SPAG16: variants seen among roughly 807,000 people sequenced by gnomAD.
SPAG16 encodes the protein sperm associated antigen 16, also known as sperm-associated antigen 16 protein.
In SPAG16, 86 loss-of-function variants were observed where a neutral mutation model predicts 80.4. The observed-to-expected ratio is 1.07, with a 90% CI of 0.90 to 1.28. The LOEUF (loss-of-function observed/expected upper bound fraction) is 1.28, where lower values mean the gene tolerates loss of function less well. Ranked by LOEUF, SPAG16 falls within the 50% of genes most tolerant of loss-of-function variation. The probability of loss-of-function intolerance (pLI) is 0.00; values close to 1 mark genes in which losing one functional copy is unlikely to be tolerated. For synonymous variants in SPAG16, 294 were observed against 265.9 expected (o/e 1.11, Z -1.03); for missense variants, 870 against 765.3 (o/e 1.14, Z -1.61).
chr2:213,605,055 T>C (rs561322238), intron 10 of SPAG16, among the ~76,000 whole-genome samples: 1 of 151,766 alleles, frequency 6.6e-6, no homozygotes, highest in South Asian at 2.1e-4. Context: ...CATATATGTG[T>C]ATATATAGTT....
At chr2:214,340,780 C>A (rs1262583250) in intron 15 of SPAG16, among the ~76,000 whole-genome samples, 1 of 152,140 alleles carries the variant, frequency 6.6e-6, no homozygotes, top group Admixed American at 6.6e-5. Context: ...TTAGGTCAGG[C>A]CCACCTGGAT....
rs372287634 is a variant in SPAG16, at chr2:214,196,035, TACCAGA to T, written c.1720+46777_1720+46782del. Among the ~76,000 whole-genome samples, 225 of 152,058 alleles carry T rather than the reference TACCAGA, an allele frequency of 1.5e-3. 2 individuals are homozygous for T. The highest frequency in any genetic ancestry group is 4.2e-3 in the African/African-American group (176 of 41,508). On this transcript the variant is annotated intron_variant, in intron 15 of 15. Transcript: ENST00000331683. ...AATGTTCAAAATAAGTGTAAAAAGTTACCAGAACCAGAATCGCCCATATTTAATAAT... is the reference window on the plus strand; with the variant it reads ...AATGTTCAAAATAAGTGTAAAAAGTTACCAGAATCGCCCATATTTAATAAT...
intron 1 of SPAG16, among the ~76,000 whole-genome samples, chr2:213,294,825 G>T (rs1448704208): frequency 6.6e-6 from 1 of 152,144 alleles, no homozygotes; most frequent in Non-Finnish European, 1.5e-5. Context: ...ACAGAACATG[G>T]AGAGGCAATA....
chr2:214,091,832 A>G (rs922052757), intron 13 of SPAG16, among the ~76,000 whole-genome samples: 32 of 152,090 alleles, frequency 2.1e-4, no homozygotes, highest in African/African-American at 7.2e-4. Context: ...TCTAATGAAC[A>G]TATTAACAAC....
At chr2:213,824,652 A>G (rs1220460515) in intron 10 of SPAG16, among the ~76,000 whole-genome samples, 1 of 152,142 alleles carries the variant, frequency 6.6e-6, no homozygotes, top group African/African-American at 2.4e-5. Context: ...GGTCTGTAGT[A>G]TAGTTTGAAG....
chr2:214,098,091 A>G (rs921214271), intron 13 of SPAG16, among the ~76,000 whole-genome samples: 5 of 152,106 alleles, frequency 3.3e-5, no homozygotes, highest in Non-Finnish European at 7.4e-5. Flanking sequence ...CTGTTTAGAT[A>G]TGTATTCAAA....
chr2:213,936,642 G>A (rs1331923898), intron 12 of SPAG16, among the ~76,000 whole-genome samples: 2 of 152,108 alleles, frequency 1.3e-5, no homozygotes, highest in Admixed American at 1.3e-4. Context: ...AGAGAAAGAG[G>A]AAACAAATGA....
At chr2:214,248,170 CAT>C (rs1689984860) in intron 15 of SPAG16, among the ~76,000 whole-genome samples, 2 of 151,540 alleles carry the variant, frequency 1.3e-5, no homozygotes, top group Admixed American at 6.6e-5. Flanking sequence ...CATAAAGAAA[CAT>C]AAAAATATTG....
chr2:213,602,466 T>C (rs1452679733), intron 10 of SPAG16, among the ~76,000 whole-genome samples: 1 of 152,058 alleles, frequency 6.6e-6, no homozygotes, highest in Non-Finnish European at 1.5e-5. Context: ...ACCCCGTCTC[T>C]ACAAAAACTA....
chr2:213,793,189 A>G (rs2070813377), intron 10 of SPAG16, among the ~76,000 whole-genome samples: 1 of 151,632 alleles, frequency 6.6e-6, no homozygotes, highest in Non-Finnish European at 1.5e-5. Flanking sequence ...CGGCCTCTCA[A>G]AGTGCTGGGA....
chr2:214,271,104 T>C (rs12990693), intron 15 of SPAG16, among the ~76,000 whole-genome samples: 59,868 of 151,996 alleles, frequency 0.39, 14,533 homozygotes, highest in South Asian at 0.57. Flanking sequence ...GGGTAAAGTA[T>C]AATTCTGATA....
chr2:214,143,195 A>G (rs1285336324), intron 14 of SPAG16, among the ~76,000 whole-genome samples: 1 of 146,736 alleles, frequency 6.8e-6, no homozygotes, highest in Non-Finnish European at 1.5e-5. Flanking sequence ...TTCCTCATTC[A>G]TAAAATGGAG....
At chr2:214,013,213 G>A (rs1004991374) in intron 12 of SPAG16, among the ~76,000 whole-genome samples, 4 of 147,160 alleles carry the variant, frequency 2.7e-5, no homozygotes, top group Admixed American at 6.9e-5. Context: ...GTAATTAATC[G>A]GTGCATTAAT....
intron 5 of SPAG16, among the ~76,000 whole-genome samples, chr2:213,338,436 A>G (rs2064497069): frequency 6.6e-6 from 1 of 152,222 alleles, no homozygotes; most frequent in South Asian, 2.1e-4. Flanking sequence ...GGATAGAGGC[A>G]AGATTCATTG....
chr2:214,219,459 A>G (rs914089473), intron 15 of SPAG16, among the ~76,000 whole-genome samples: 20 of 152,166 alleles, frequency 1.3e-4, no homozygotes, highest in African/African-American at 4.1e-4. Flanking sequence ...ATGTACTATC[A>G]TCTATGAAGG....
At chr2:213,353,548 A>G (rs1450385678) in intron 7 of SPAG16, among the ~76,000 whole-genome samples, 1 of 152,224 alleles carries the variant, frequency 6.6e-6, no homozygotes, top group Non-Finnish European at 1.5e-5. Context: ...GCTAACAGCA[A>G]GTATACTTAT....
intron 10 of SPAG16, among the ~76,000 whole-genome samples, chr2:213,505,411 A>G (rs2074928061): frequency 6.6e-6 from 1 of 152,148 alleles, no homozygotes; most frequent in Non-Finnish European, 1.5e-5. Flanking sequence ...TTACTCTACC[A>G]TACAAATGTA....
intron 6 of SPAG16, among the ~76,000 whole-genome samples, chr2:213,345,286 T>G (rs2125001126): frequency 7.3e-6 from 1 of 137,210 alleles, no homozygotes; most frequent in Middle Eastern, 3.5e-3. Context: ...ATTAGCCCTT[T>G]GTCAGATGAG....
At chr2:214,230,275 C>A (rs1688597318) in intron 15 of SPAG16, among the ~76,000 whole-genome samples, 1 of 151,828 alleles carries the variant, frequency 6.6e-6, no homozygotes, top group South Asian at 2.1e-4. Flanking sequence ...AGCTAATAGG[C>A]CAATAAACAT....
Sources: gnomAD v4.1 joint callset for allele counts (sites outside exome capture counted in the v4.1 genomes callset) on GRCh38, gnomAD v4.1.1 for gene constraint, MANE v1.5 for transcripts, NCBI Gene and HGNC (gene_info 2026-07-23, HGNC 2026-07-21) for gene names.